GABRA4: variants seen among roughly 807,000 people sequenced by gnomAD.
GABRA4 encodes gamma-aminobutyric acid type A receptor subunit alpha4, also known as gamma-aminobutyric acid receptor subunit alpha-4.
A neutral mutation model predicts 49.7 loss-of-function variants in GABRA4; 12 were observed. That is an observed-to-expected ratio of 0.24 (90% confidence interval 0.15 to 0.39). The LOEUF is 0.39. GABRA4 is among the 10% of genes least tolerant of loss of function. The pLI is 1.00. For missense variants in GABRA4, 506 were observed against 686.0 expected, an observed-to-expected ratio of 0.74 and a Z score of 2.93; for synonymous variants, 288 against 240.2, an observed-to-expected ratio of 1.20 and a Z score of -1.84.
rs1446509944 is a variant in GABRA4 at position 46,925,241 on chromosome 4, C to A, written c.*2984G>T. On this transcript the variant is annotated 3_prime_UTR_variant, in exon 9 of 9. Coordinates refer to ENST00000264318, the MANE Select transcript of GABRA4 (RefSeq NM_000809.4). The stretch of plus-strand genomic sequence containing the variant: ...TTTCATCAAAAAAAGTGTGACTCTA[C>A]TCTCTACCTACTTTAATACAAGATT... 1.3e-5 allele frequency: 2 copies of A among 151,930 alleles called. No homozygotes were observed. The allele number at this position is 151,930 out of a possible 1,614,324, so 9.4% of individuals were successfully genotyped here.
At chr4:46,985,954 C>T (rs1341111819) in intron 2 of GABRA4, among the ~76,000 whole-genome samples, 1 of 151,780 alleles carries the variant, frequency 6.6e-6, no homozygotes, top group Non-Finnish European at 1.5e-5. Context: ...GAAAGAAAAA[C>T]ATGTTATGGT....
chr4:46,940,553 C>G (rs909869682), intron 8 of GABRA4, among the ~76,000 whole-genome samples: 2 of 152,062 alleles, frequency 1.3e-5, no homozygotes, highest in African/African-American at 4.8e-5. Context: ...CCCCCCTAGT[C>G]TTTACCAATG....
At chr4:46,986,602 C>G (rs556710797) in intron 2 of GABRA4, among the ~76,000 whole-genome samples, 1 of 152,178 alleles carries the variant, frequency 6.6e-6, no homozygotes, top group South Asian at 2.1e-4. Context: ...TACCTCTTCC[C>G]TATCAAACTT....
At chr4:46,948,140 C>T (rs908184207) in intron 8 of GABRA4, among the ~76,000 whole-genome samples, 2 of 152,084 alleles carry the variant, frequency 1.3e-5, no homozygotes, top group East Asian at 3.9e-4. Context: ...GCTAATGTCT[C>T]TATTTTCACA....
chr4:46,929,713 C>T (rs545471278), intron 8 of GABRA4, among the ~76,000 whole-genome samples: 5 of 152,046 alleles, frequency 3.3e-5, no homozygotes, highest in Non-Finnish European at 5.9e-5. Context: ...TTAGAATATA[C>T]TATTATATTT....
intron 8 of GABRA4, among the ~76,000 whole-genome samples, chr4:46,948,182 G>A (rs1722046927): frequency 6.6e-6 from 1 of 152,024 alleles, no homozygotes; most frequent in African/African-American, 2.4e-5. Flanking sequence ...AGTGAACCTG[G>A]TAGACCTAGA....
At position 46,974,315 on chromosome 4, in the gene GABRA4, T is replaced by G; in HGVS notation, c.638A>C (p.Glu213Ala). The G allele has an allele frequency of 6.2e-7, 1 of 1,611,796 alleles. No individual in the cohort carries two copies. The highest frequency in any genetic ancestry group is 8.5e-7 in the Non-Finnish European group (1 of 1,178,544). The change falls in exon 6 of 9, where the codon GAA becomes GCA. Residue 213 changes from glutamate to alanine, a missense_variant. Glu to Ala is a moderately radical substitution (Grantham distance 107). This residue lies in a region of GABRA4 where 195 missense variants were observed against 326.0 expected (regional missense o/e 0.60). Coordinates refer to ENST00000264318, the MANE Select transcript of GABRA4 (RefSeq NM_000809.4). ...TAAGCTGGAAGACTCCTTCGGAACT[T>G]CAACTGATTTCTCAGGACCTTTTGT... ...TWTKGPEKSV[E>A]VPKESSSLVQ...
At chr4:46,976,897 T>G (rs1199067651) in intron 5 of GABRA4, among the ~76,000 whole-genome samples, 164 bp downstream of exon 5, 1 of 151,878 alleles carries the variant, frequency 6.6e-6, no homozygotes, top group Non-Finnish European at 1.5e-5. Flanking sequence ...TTTTTATTTC[T>G]TTATTATAAA....
At chr4:46,964,159 A>T (rs528897338) in intron 8 of GABRA4, among the ~76,000 whole-genome samples, 13 of 152,002 alleles carry the variant, frequency 8.6e-5, no homozygotes, top group African/African-American at 3.1e-4. Context: ...TAATCCAGGC[A>T]CAGAAAGATA....
At chr4:46,932,536 G>A (rs1721474655) in intron 8 of GABRA4, among the ~76,000 whole-genome samples, 1 of 152,016 alleles carries the variant, frequency 6.6e-6, no homozygotes, top group Admixed American at 6.6e-5. Flanking sequence ...TCCTTTCAAT[G>A]TCATAATAGA....
At chr4:46,973,358 C>T (rs1723022993) in intron 6 of GABRA4, among the ~76,000 whole-genome samples, 2 of 151,754 alleles carry the variant, frequency 1.3e-5, no homozygotes, top group South Asian at 4.1e-4. Context: ...TGAGCACCCA[C>T]TCCCTACACC....
chr4:46,927,936 C>A lies in GABRA4; in HGVS notation c.*289G>T. On this transcript the variant is annotated 3_prime_UTR_variant, in exon 9 of 9. Transcript: ENST00000264318. ...TTTCAAATATCAATGAAAAAATATGCGCCACTTGTCTCTAATAGCTCTATT... is the reference window on the plus strand; with the variant it reads ...TTTCAAATATCAATGAAAAAATATGAGCCACTTGTCTCTAATAGCTCTATT... The A allele has an allele frequency of 4.4e-6, 1 of 228,650 alleles. No homozygotes were observed. Among genetic ancestry groups the A allele is most frequent in the Non-Finnish European group, 8.6e-6 (1 of 116,602 alleles). The allele number at this position is 228,650 out of a possible 1,614,324, so 14.2% of individuals were successfully genotyped here.
intron 2 of GABRA4, among the ~76,000 whole-genome samples, chr4:46,983,375 C>G (rs182117382): frequency 6.6e-6 from 1 of 152,166 alleles, no homozygotes. Context: ...CTATCTGTAA[C>G]AGCAAAGGCA....
In GABRA4 at chr4:46,922,786, A is replaced by G. The variant is rs1298476576; in HGVS notation, c.*5439T>C. ...TGAAAACTCACTAGGGTTATGGTTG[A>G]CAAAAGTTAAAGAAAATTTTAAAGA... is the stretch of plus-strand genomic sequence containing the variant. On this transcript the variant is annotated 3_prime_UTR_variant, in exon 9 of 9. Transcript: ENST00000264318. 3.9e-5 allele frequency: 6 copies of G among 152,172 alleles called. No homozygotes were observed. The highest frequency in any genetic ancestry group is 1.4e-4 in the African/African-American group (6 of 41,446). 9.4% of individuals were successfully genotyped at this position (152,172 alleles called of 1,614,324 possible).
In GABRA4 at chr4:46,923,563, A is replaced by G. The variant is rs918106211; in HGVS notation, c.*4662T>C. 1.1e-4 allele frequency: 16 copies of G among 152,098 alleles called. No individual in the cohort carries two copies. Among genetic ancestry groups the G allele is most frequent in the African/African-American group, 2.7e-4 (11 of 41,434 alleles). 9.4% of individuals were successfully genotyped at this position (152,098 alleles called of 1,614,324 possible). A position where few individuals can be genotyped will look rare whatever the true frequency, so the allele number is the denominator to read the frequency against. On this transcript the variant is annotated 3_prime_UTR_variant, in exon 9 of 9. Coordinates refer to ENST00000264318, the MANE Select transcript of GABRA4 (RefSeq NM_000809.4). ...TCATGTATCACTTTTACAAATGACAATGAAGTCATTGCGGTCAAAAAAAGA... is the reference window on the plus strand; with the variant it reads ...TCATGTATCACTTTTACAAATGACAGTGAAGTCATTGCGGTCAAAAAAAGA...
rs1265996912 is a variant in GABRA4, at chr4:46,926,537, GA to G, written c.*1687del. 1 of 151,810 alleles carries G rather than the reference GA, an allele frequency of 6.6e-6. No homozygotes were observed. The highest frequency in any genetic ancestry group is 1.5e-5 in the Non-Finnish European group (1 of 67,850). The allele number at this position is 151,810 out of a possible 1,614,324, so 9.4% of individuals were successfully genotyped here. ...ACCATTATAAGGTAGTGCAATATCT[GA>G]AAAATCGATGCCAATTAACTACTAT... is the stretch of plus-strand genomic sequence containing the variant. On this transcript the variant is annotated 3_prime_UTR_variant, in exon 9 of 9. Transcript: ENST00000264318.
chr4:46,923,318 C>G lies in GABRA4; in HGVS notation c.*4907G>C, dbSNP rs1418475545. 1.3e-5 allele frequency: 2 copies of G among 151,542 alleles called. No individual in the cohort carries two copies. The highest frequency in any genetic ancestry group is 4.9e-5 in the African/African-American group (2 of 41,228). 9.4% of individuals were successfully genotyped at this position (151,542 alleles called of 1,614,324 possible). Reference sequence around the variant, plus strand: ...TTTCAACAATTTCTTCAGTTTTACCCTCCAATTTTAATCTTATCTTGAGAT... The same window carrying G: ...TTTCAACAATTTCTTCAGTTTTACCGTCCAATTTTAATCTTATCTTGAGAT... On this transcript the variant is annotated 3_prime_UTR_variant, in exon 9 of 9. Coordinates refer to ENST00000264318, the MANE Select transcript of GABRA4 (RefSeq NM_000809.4).
intron 8 of GABRA4, among the ~76,000 whole-genome samples, chr4:46,929,827 T>C (rs886948663): frequency 2.0e-5 from 3 of 152,050 alleles, no homozygotes; most frequent in South Asian, 2.1e-4. Context: ...ATGAAGTAGA[T>C]GGTGAGTGAA....
At chr4:46,953,658 T>C (rs1186518211) in intron 8 of GABRA4, among the ~76,000 whole-genome samples, 10 of 152,182 alleles carry the variant, frequency 6.6e-5, no homozygotes, top group Non-Finnish European at 1.5e-4. Flanking sequence ...TTATGAAAAG[T>C]AGATGATCTA....
Sources: allele counts gnomAD v4.1 joint callset (sites outside exome capture counted in the v4.1 genomes callset), GRCh38; gene constraint gnomAD v4.1.1; regional missense constraint gnomAD v4.1.1; transcripts MANE v1.5; gene names NCBI Gene and HGNC (gene_info 2026-07-23, HGNC 2026-07-21).